Variants in GALNT13 observed in about 807,000 individuals in gnomAD.
GALNT13 encodes polypeptide N-acetylgalactosaminyltransferase 13.
GALNT13 carries 28 observed loss-of-function variants against 64.2 expected under a neutral mutation model. That is an observed-to-expected ratio of 0.44 (90% confidence interval 0.32 to 0.60). The LOEUF (loss-of-function observed/expected upper bound fraction) is 0.60. GALNT13 is among the 20% of genes least tolerant of loss of function. The pLI is 0.05. For synonymous variants in GALNT13, 214 were observed against 224.6 expected, an observed-to-expected ratio of 0.95 and a Z score of 0.42; for missense variants, 577 against 669.8, an observed-to-expected ratio of 0.86 and a Z score of 1.53.
chr2:153,638,331 C>A, the GALNT13 span, among the ~76,000 whole-genome samples: 1 of 152,024 alleles, frequency 6.6e-6, no homozygotes, highest in Non-Finnish European at 1.5e-5. Flanking sequence ...TGGATGCTCC[C>A]TTGAGAATGG....
the GALNT13 span, among the ~76,000 whole-genome samples, chr2:153,545,543 A>C: frequency 6.6e-6 from 1 of 152,182 alleles, no homozygotes; most frequent in Non-Finnish European, 1.5e-5. Context: ...GGCTGCTTCT[A>C]CAGAAGGGAT....
chr2:153,628,225 T>TC, the GALNT13 span, among the ~76,000 whole-genome samples: 1 of 151,734 alleles, frequency 6.6e-6, no homozygotes, highest in African/African-American at 2.4e-5. Flanking sequence ...AAGTTGCTTA[T>TC]CAGCTTAAGG....
At chr2:154,190,723 C>A (rs1686529511) in intron 4 of GALNT13, among the ~76,000 whole-genome samples, 1 of 152,158 alleles carries the variant, frequency 6.6e-6, no homozygotes, top group African/African-American at 2.4e-5. Flanking sequence ...ATAGTGCAAA[C>A]TTGTCCAGGA....
At chr2:153,854,400 T>G in the GALNT13 span, among the ~76,000 whole-genome samples, 1 of 151,960 alleles carries the variant, frequency 6.6e-6, no homozygotes, top group Non-Finnish European at 1.5e-5. Flanking sequence ...GCTAACATGG[T>G]GAAACCCCGT....
chr2:153,078,753 C>T, the GALNT13 span, among the ~76,000 whole-genome samples: 2 of 152,030 alleles, frequency 1.3e-5, no homozygotes, highest in African/African-American at 4.8e-5. Context: ...AAATAAGATG[C>T]TCTCATTACT....
At chr2:154,443,455 G>C (rs1367796964) in intron 12 of GALNT13, among the ~76,000 whole-genome samples, 1 of 151,908 alleles carries the variant, frequency 6.6e-6, no homozygotes, top group Non-Finnish European at 1.5e-5. Flanking sequence ...ATTAAATATA[G>C]TACAAATTTA....
At chr2:153,347,465 C>G in the GALNT13 span, among the ~76,000 whole-genome samples, 1 of 152,150 alleles carries the variant, frequency 6.6e-6, no homozygotes, top group Non-Finnish European at 1.5e-5. Flanking sequence ...AACTGTAAGA[C>G]ATTAAAACCC....
intron 8 of GALNT13, among the ~76,000 whole-genome samples, chr2:154,276,209 C>T (rs1021261419): frequency 6.6e-6 from 1 of 151,476 alleles, no homozygotes; most frequent in Non-Finnish European, 1.5e-5. Flanking sequence ...CTTTTCTTTT[C>T]TCTTTTCTCT....
intron 8 of GALNT13, among the ~76,000 whole-genome samples, chr2:154,271,749 A>G (rs1346303633): frequency 6.6e-6 from 1 of 151,874 alleles, no homozygotes; most frequent in East Asian, 1.9e-4. Context: ...ATATATATCT[A>G]TCTAATTTAT....
chr2:153,572,285 A>G, the GALNT13 span, among the ~76,000 whole-genome samples: 1 of 151,226 alleles, frequency 6.6e-6, no homozygotes. Flanking sequence ...TATCAGTTGC[A>G]ATGTCTCCTT....
chr2:154,388,538 A>G (rs1202023499), intron 9 of GALNT13, among the ~76,000 whole-genome samples: 1 of 152,172 alleles, frequency 6.6e-6, no homozygotes, highest in East Asian at 1.9e-4. Context: ...TAAAATTTTA[A>G]TCCATTTTGA....
At chr2:153,171,308 A>T in the GALNT13 span, among the ~76,000 whole-genome samples, 1 of 152,234 alleles carries the variant, frequency 6.6e-6, no homozygotes, top group Non-Finnish European at 1.5e-5. Flanking sequence ...GAGTGCATGA[A>T]TTGAGTAAAT....
the GALNT13 span, among the ~76,000 whole-genome samples, chr2:153,615,062 ACC>A: frequency 6.6e-6 from 1 of 151,870 alleles, no homozygotes; most frequent in Non-Finnish European, 1.5e-5. Flanking sequence ...CTATCCTTCT[ACC>A]CTCTATCTCC....
At chr2:153,106,400 T>A in the GALNT13 span, among the ~76,000 whole-genome samples, 3 of 152,124 alleles carry the variant, frequency 2.0e-5, no homozygotes, top group African/African-American at 7.2e-5. Context: ...TGTCTCTCCA[T>A]GTGAATCTGA....
At chr2:153,285,412 A>T in the GALNT13 span, among the ~76,000 whole-genome samples, 1 of 152,072 alleles carries the variant, frequency 6.6e-6, no homozygotes, top group Non-Finnish European at 1.5e-5. Context: ...TCTCCCTTTC[A>T]TGTTCCCTCT....
the GALNT13 span, among the ~76,000 whole-genome samples, chr2:153,672,275 AT>A: frequency 2.6e-5 from 4 of 152,212 alleles, no homozygotes; most frequent in African/African-American, 9.6e-5. Flanking sequence ...CATTGCACTT[AT>A]TCTAAAATTG....
At chr2:154,439,695 A>G (rs749245329) in intron 12 of GALNT13, among the ~76,000 whole-genome samples, 2 of 152,174 alleles carry the variant, frequency 1.3e-5, no homozygotes. Context: ...TGTCGTTTTA[A>G]TATTTGCATG....
Position 154,169,613 on chromosome 2 carries a change from C to A in GALNT13, c.311+29108C>A, listed in dbSNP as rs10181465. 3.9e-5 allele frequency among the ~76,000 whole-genome samples: 6 copies of A among 152,112 alleles called. 1 individual carries two copies. The highest frequency in any genetic ancestry group is 7.2e-5 in the African/African-American group (3 of 41,478). ...TCACTATGCCCTGAATCAATCAATC[C>A]TTGGATACAGGCTGCCTTCAGAAGG... On this transcript the variant is annotated intron_variant, in intron 4 of 12. Coordinates refer to ENST00000392825, the MANE Select transcript of GALNT13 (RefSeq NM_052917.4).
chr2:154,238,129 C>A (rs781721058), intron 4 of GALNT13, among the ~76,000 whole-genome samples: 11 of 151,958 alleles, frequency 7.2e-5, no homozygotes, highest in Non-Finnish European at 1.5e-4. Flanking sequence ...GCACATAATT[C>A]ATTTGCACCT....
Sources: allele counts gnomAD v4.1 joint callset (sites outside exome capture counted in the v4.1 genomes callset), GRCh38; gene constraint gnomAD v4.1.1; transcripts MANE v1.5; gene names NCBI Gene and HGNC (gene_info 2026-07-23, HGNC 2026-07-21).